Variants in ABITRAM observed in about 807,000 individuals in gnomAD.
ABITRAM encodes the protein protein Abitram.
In ABITRAM, 19 loss-of-function variants were observed where a neutral mutation model predicts 22.9. The ratio of observed to expected loss-of-function variants is 0.83; its 90% CI spans 0.58 to 1.22. The LOEUF (loss-of-function observed/expected upper bound fraction) is 1.22, where lower values mean the gene tolerates loss of function less well. Among genes scored for constraint, ABITRAM ranks in the 50% most tolerant of loss-of-function variants. The pLI, the probability that ABITRAM is intolerant of heterozygous loss-of-function variation, is 0.00. For synonymous variants in ABITRAM, 70 were observed against 73.9 expected (o/e 0.95, Z 0.27); for missense variants, 215 against 220.2 (o/e 0.98, Z 0.15).
At chr9:108,943,976 C>A (rs375950356), downstream of ABITRAM, 5 of 1,613,746 alleles carry the variant, frequency 3.1e-6, no homozygotes, top group Admixed American at 8.3e-5. Flanking sequence ...TTTGAAAAAG[C>A]TTGAACACTG....
chr9:108,934,441 A>AGCGCTGGGGTCGCGGAGGAC lies in ABITRAM; in HGVS notation c.-35_-34insGCGGAGGACGCGCTGGGGTC. 1 of 1,494,476 alleles carries AGCGCTGGGGTCGCGGAGGAC rather than the reference A, an allele frequency of 6.7e-7. No homozygotes were observed. Among genetic ancestry groups the AGCGCTGGGGTCGCGGAGGAC allele is most frequent in the Non-Finnish European group, 9.1e-7 (1 of 1,104,668 alleles). The allele number at this position is 1,494,476 out of a possible 1,614,324, so 92.6% of individuals were successfully genotyped here. A position where few individuals can be genotyped will look rare whatever the true frequency, so the allele number is the denominator to read the frequency against. On this transcript the variant is annotated 5_prime_UTR_variant, in exon 1 of 6. Transcript: ENST00000322940. ...CGCCCAGTCCGGGCTGCGCGGAGGAAGCGCTGGGGTCCCGGAGGGCGGGGG... is the reference window on the plus strand; with the variant it reads ...CGCCCAGTCCGGGCTGCGCGGAGGAAGCGCTGGGGTCGCGGAGGACGCGCTGGGGTCCCGGAGGGCGGGGG...
chr9:108,942,902 A>T (rs1356565935), downstream of ABITRAM: 1 of 1,608,732 alleles, frequency 6.2e-7, no homozygotes, highest in Admixed American at 1.7e-5. Context: ...TTAAGTAGTA[A>T]CTATTTTCTT....
intron 3 of ABITRAM, 141 bp downstream of exon 3, chr9:108,936,578 T>G: frequency 1.1e-6 from 1 of 896,368 alleles, no homozygotes; most frequent in Non-Finnish European, 1.7e-6. Flanking sequence ...AGGTATACTT[T>G]CACCTAAAGA....
Position 108,935,225 on chromosome 9 carries a change from T to C in ABITRAM, c.80-413T>C, listed in dbSNP as rs1429255022. ...TTGGCCAAACATAGGGTGACCAACC[T>C]GTCCTAGTTCACCCATGACTGAGGG... On this transcript the variant is annotated intron_variant, in intron 1 of 5. Coordinates refer to ENST00000322940, the MANE Select transcript of ABITRAM (RefSeq NM_017832.4). Among the ~76,000 whole-genome samples, 3 of 152,204 alleles carry C rather than the reference T, an allele frequency of 2.0e-5. No homozygotes were observed. In the East Asian group the frequency reaches 5.8e-4, roughly 29 times the overall value.
chr9:108,944,111 A>T (rs1830329035), downstream of ABITRAM: 1 of 1,235,928 alleles, frequency 8.1e-7, no homozygotes, highest in Non-Finnish European at 1.1e-6. Flanking sequence ...GTAGAATTTT[A>T]AAAATAAAGC....
At chr9:108,950,438 G>A (rs1405870687) in intron 3 of ABITRAM, 7 of 1,494,614 alleles carry the variant, frequency 4.7e-6, no homozygotes, top group Non-Finnish European at 5.4e-6. Flanking sequence ...ATATGATAAG[G>A]TACTGACAAA....
At chr9:108,943,975 G>A (rs1311692900), downstream of ABITRAM, 2 of 1,613,526 alleles carry the variant, frequency 1.2e-6, no homozygotes, top group Non-Finnish European at 1.7e-6. Flanking sequence ...TTTTGAAAAA[G>A]CTTGAACACT....
chr9:108,949,711 G>A (rs2132087806), intron 3 of ABITRAM, among the ~76,000 whole-genome samples: 1 of 152,264 alleles, frequency 6.6e-6, no homozygotes, highest in African/African-American at 2.4e-5. Flanking sequence ...GGGCGTGGTG[G>A]CACACAACTG....
At chr9:108,943,043 A>T (rs767992712), downstream of ABITRAM, 1 of 1,604,600 alleles carries the variant, frequency 6.2e-7, no homozygotes, top group Non-Finnish European at 8.5e-7. Context: ...ACACTTGTCA[A>T]CCTACAATGA....
chr9:108,943,422 C>T (rs1830304886), downstream of ABITRAM, among the ~76,000 whole-genome samples: 1 of 152,274 alleles, frequency 6.6e-6, no homozygotes, highest in African/African-American at 2.4e-5. Context: ...AGACCAGACT[C>T]GGAGGCACCT....
chr9:108,943,125 T>C (rs1830293529), downstream of ABITRAM: 8 of 1,276,004 alleles, frequency 6.3e-6, no homozygotes, highest in South Asian at 1.2e-4. Context: ...TTTAACATGA[T>C]AAAATTTCTC....
At chr9:108,942,057 A>G (rs1435237234), downstream of ABITRAM, among the ~76,000 whole-genome samples, 2 of 152,208 alleles carry the variant, frequency 1.3e-5, no homozygotes, top group Non-Finnish European at 1.5e-5. Flanking sequence ...TTTTAAGTCT[A>G]TAAGATAGGC....
chr9:108,948,171 G>A (rs770415264), intron 3 of ABITRAM: 31 of 1,609,104 alleles, frequency 1.9e-5, no homozygotes, highest in Non-Finnish European at 2.4e-5. Flanking sequence ...AGCATAAAAC[G>A]GAAACAAGGC....
In ABITRAM at chr9:108,934,453, C is replaced by G; in HGVS notation, c.-34C>G. 6.4e-7 allele frequency: 1 copy of G among 1,570,086 alleles called. No homozygotes were observed. The highest frequency in any genetic ancestry group is 8.6e-7 in the Non-Finnish European group (1 of 1,159,628). ...GCTGCGCGGAGGAAGCGCTGGGGTCCCGGAGGGCGGGGGTGGCGGCGCCGG... is the reference window on the plus strand; with the variant it reads ...GCTGCGCGGAGGAAGCGCTGGGGTCGCGGAGGGCGGGGGTGGCGGCGCCGG... On this transcript the variant is annotated 5_prime_UTR_variant, in exon 1 of 6. Coordinates refer to ENST00000322940, the MANE Select transcript of ABITRAM (RefSeq NM_017832.4).
Position 108,940,153 on chromosome 9 carries a change from C to T in ABITRAM, c.*467C>T, listed in dbSNP as rs1420325161. The T allele has an allele frequency of 6.5e-6, 1 of 153,366 alleles. No homozygotes were observed. Among genetic ancestry groups the T allele is most frequent in the Non-Finnish European group, 1.4e-5 (1 of 68,972 alleles). 9.5% of individuals were successfully genotyped at this position (153,366 alleles called of 1,614,324 possible). On this transcript the variant is annotated 3_prime_UTR_variant, in exon 6 of 6. Coordinates refer to ENST00000322940, the MANE Select transcript of ABITRAM (RefSeq NM_017832.4). ...AACTATAAACGAGTCAAAAATATATCATTAACCAAACACGAAACCCACTTA... is the reference window on the plus strand; with the variant it reads ...AACTATAAACGAGTCAAAAATATATTATTAACCAAACACGAAACCCACTTA...
At chr9:108,945,546 T>G (rs542413526), downstream of ABITRAM, among the ~76,000 whole-genome samples, 103 of 151,660 alleles carry the variant, frequency 6.8e-4, 3 homozygotes, top group South Asian at 0.021. Context: ...ACTACAGCCT[T>G]GACCTCCCAG....
chr9:108,935,962 C>T lies in ABITRAM; in HGVS notation c.131+273C>T, dbSNP rs996085174. ...GCTACTTGAAGTGGCCAGTCTGTGC[C>T]CAACTACTGAACTGTTCAGAGCCCA... On this transcript the variant is annotated intron_variant, in intron 2 of 5. Transcript: ENST00000322940. The T allele has an allele frequency of 7.6e-6, 4 of 525,910 alleles. No homozygotes were observed. The African/African-American group carries it at 7.7e-5, about 10-fold the overall frequency. The allele number at this position is 525,910 out of a possible 1,614,324, so 32.6% of individuals were successfully genotyped here.
rs975385804 is a variant in ABITRAM at position 108,934,409 on chromosome 9, A to T, written c.-78A>T. Reference sequence around the variant, plus strand: ...GCGCACGACACGCGCTGTGCGCCGGAAGAGCACGCCCAGTCCGGGCTGCGC... The same window carrying T: ...GCGCACGACACGCGCTGTGCGCCGGTAGAGCACGCCCAGTCCGGGCTGCGC... On this transcript the variant is annotated 5_prime_UTR_variant, in exon 1 of 6. Coordinates refer to ENST00000322940, the MANE Select transcript of ABITRAM (RefSeq NM_017832.4). 2 of 1,237,078 alleles carry T rather than the reference A, an allele frequency of 1.6e-6. No homozygotes were observed. The highest frequency in any genetic ancestry group is 1.5e-5 in the South Asian group (1 of 67,260). 76.6% of individuals were successfully genotyped at this position (1,237,078 alleles called of 1,614,324 possible). A position where few individuals can be genotyped will look rare whatever the true frequency, so the allele number is the denominator to read the frequency against.
rs972417040 is a variant in ABITRAM, at chr9:108,936,302, T to C, written c.132-6T>C. 6.2e-7 allele frequency: 1 copy of C among 1,611,658 alleles called. No homozygotes were observed. The highest frequency in any genetic ancestry group is 8.5e-7 in the Non-Finnish European group (1 of 1,179,316). ...ATCACACAGGATCAACTTTTTCTCC[T>C]TGTAGAATATGTGTCATCACATTGG... On this transcript the variant is annotated splice_region_variant and splice_polypyrimidine_tract_variant and intron_variant, in intron 2 of 5. Transcript: ENST00000322940.
Sources: gnomAD v4.1 joint callset for allele counts (sites outside exome capture counted in the v4.1 genomes callset) on GRCh38, gnomAD v4.1.1 for gene constraint, MANE v1.5 for transcripts, NCBI Gene and HGNC (gene_info 2026-07-23, HGNC 2026-07-21) for gene names.